Variants in TMEM59L observed in about 807,000 individuals in gnomAD.
TMEM59L encodes the protein transmembrane protein 59-like.
A neutral mutation model predicts 39.6 loss-of-function variants in TMEM59L; 31 were observed. That is an observed-to-expected ratio of 0.78 (90% CI 0.59 to 1.06). TMEM59L has a LOEUF of 1.06. Among genes scored for constraint, TMEM59L ranks in the 50% least tolerant of loss-of-function variants. TMEM59L has a pLI of 0.00. For synonymous variants in TMEM59L, 219 were observed against 202.9 expected (o/e 1.08, Z -0.68); for missense variants, 441 against 451.3 (o/e 0.98, Z 0.21).
In TMEM59L at chr19:18,618,392, G is replaced by C. The variant is rs757061987; in HGVS notation, c.800G>C (p.Arg267Pro). The C allele has an allele frequency of 6.2e-7, 1 of 1,605,358 alleles. No homozygotes were observed. The highest frequency in any genetic ancestry group is 2.2e-5 in the East Asian group (1 of 44,678). Residue 267 changes from arginine to proline, a missense_variant, in exon 7 of 8, where the codon CGC becomes CCC. Transcript: ENST00000262817. ...CGGGGCAGGCGCTCGGGTCTGCCTC[G>C]CTGGATCCTGGCCTGCTGCCTCTTC... ...SCMSRRSGLP[R>P]WILACCLFLS...
intron 3 of TMEM59L, 140 bp downstream of exon 3, chr19:18,614,335 C>A (rs1293772978): frequency 1.1e-5 from 10 of 907,356 alleles, no homozygotes; most frequent in Non-Finnish European, 1.5e-5. Context: ...CTCCATCCAG[C>A]CCCGTCATGT....
chr19:18,618,775 AC>A (rs1332920937), intron 7 of TMEM59L, among the ~76,000 whole-genome samples: 1 of 149,974 alleles, frequency 6.7e-6, no homozygotes, highest in African/African-American at 2.5e-5. Context: ...GCTCACTGCA[AC>A]CTCCACCTCC....
At chr19:18,615,076 G>T (rs143668942) in intron 3 of TMEM59L, among the ~76,000 whole-genome samples, 2 of 152,076 alleles carry the variant, frequency 1.3e-5, no homozygotes, top group East Asian at 3.9e-4. Context: ...TCCGCCTCCC[G>T]GGTTCAAGTG....
chr19:18,618,543 A>T (rs374713218), intron 7 of TMEM59L, 51 bp downstream of exon 7: 1 of 1,549,302 alleles, frequency 6.5e-7, no homozygotes, highest in Non-Finnish European at 8.8e-7. Context: ...GTGAAGGCAG[A>T]GAGAGCTGTT....
In TMEM59L at chr19:18,618,433, A is replaced by T; in HGVS notation, c.841A>T (p.Met281Leu). 6.2e-7 allele frequency: 1 copy of T among 1,608,260 alleles called. No individual in the cohort carries two copies. Among genetic ancestry groups the T allele is most frequent in the Non-Finnish European group, 8.5e-7 (1 of 1,179,222 alleles). The change falls in exon 7 of 8, where the codon ATG (methionine) becomes TTG (leucine). Residue 281 changes from methionine (M) to leucine (L), a missense_variant. By Grantham distance (15) the Met-to-Leu change is conservative (BLOSUM62 2). Transcript: ENST00000262817. ...CTGCCTCTTCCTCTCCGTGCTGGTG[A>T]TGCTGTGGCTGAGCTGCTCCACCCT... ...ACCLFLSVLVMLWLSCSTLVT... is the reference protein window; with the variant it reads ...ACCLFLSVLVLLWLSCSTLVT...
chr19:18,618,761 C>T (rs1976462328), intron 7 of TMEM59L, among the ~76,000 whole-genome samples: 1 of 149,862 alleles, frequency 6.7e-6, no homozygotes, highest in South Asian at 2.1e-4. Context: ...ATGGCACCAT[C>T]TCGGCTCACT....
At position 18,614,207 on chromosome 19, in the gene TMEM59L, A is replaced by G. The variant is rs1258904453; in HGVS notation, c.408+12A>G. The G allele has an allele frequency of 1.3e-6, 2 of 1,580,484 alleles. No homozygotes were observed. The highest frequency in any genetic ancestry group is 1.3e-5 in the African/African-American group (1 of 74,514). On this transcript the variant is annotated intron_variant, in intron 3 of 7. Coordinates refer to ENST00000262817, the MANE Select transcript of TMEM59L (RefSeq NM_012109.3). ...AGCCGGAGCAGAAGGTGGGCCTCCCACTGCGGCCTGGGGTCCCTTTTCCCA... is the reference window on the plus strand; with the variant it reads ...AGCCGGAGCAGAAGGTGGGCCTCCCGCTGCGGCCTGGGGTCCCTTTTCCCA...
chr19:18,619,634 C>T (rs866070455), intron 7 of TMEM59L, among the ~76,000 whole-genome samples: 1 of 151,710 alleles, frequency 6.6e-6, no homozygotes, highest in South Asian at 2.1e-4. Flanking sequence ...GAAACCCCAT[C>T]TCTACTAAAA....
Position 18,616,112 on chromosome 19 carries a change from A to C in TMEM59L, c.546A>C (p.Lys182Asn). 6.2e-7 allele frequency: 1 copy of C among 1,613,970 alleles called. No individual in the cohort carries two copies. The highest frequency in any genetic ancestry group is 8.5e-7 in the Non-Finnish European group (1 of 1,179,926). ...WTYYLQTDNGKVVVFQTQPIV... is the reference protein window; with the variant it reads ...WTYYLQTDNGNVVVFQTQPIV... ...ACTACTTGCAGACTGACAATGGGAA[A>C]GTGGTGGTGTTTCAGGTGAGACCTC... Residue 182 changes from lysine (K) to asparagine (N), a missense_variant, in exon 4 of 8, where the codon AAA becomes AAC. Lys to Asn is a moderately conservative substitution (Grantham distance 94). Transcript: ENST00000262817.
chr19:18,616,519 A>T (rs993978738), intron 4 of TMEM59L, among the ~76,000 whole-genome samples: 1 of 152,004 alleles, frequency 6.6e-6, no homozygotes, highest in Non-Finnish European at 1.5e-5. Context: ...CAGCCTCCTG[A>T]GTAGCTGGGA....
rs776180657 is a variant in TMEM59L at position 18,618,144 on chromosome 19, T to G, written c.665-11T>G. ...GACCTGGTGGTCGCTGAGTGGCAGC[T>G]GATCTCTCAGACCCTGTAGGCCCCC... On this transcript the variant is annotated splice_polypyrimidine_tract_variant and intron_variant, in intron 5 of 7. Coordinates refer to ENST00000262817, the MANE Select transcript of TMEM59L (RefSeq NM_012109.3). 6.2e-7 allele frequency: 1 copy of G among 1,608,682 alleles called. No homozygotes were observed. Among genetic ancestry groups the G allele is most frequent in the Non-Finnish European group, 8.5e-7 (1 of 1,175,372 alleles).
Position 18,613,111 on chromosome 19 carries a change from C to T in TMEM59L, c.153C>T (p.Leu51=), listed in dbSNP as rs1011945767. 7.7e-7 allele frequency: 1 copy of T among 1,303,846 alleles called. No individual in the cohort carries two copies. The highest frequency in any genetic ancestry group is 9.7e-7 in the Non-Finnish European group (1 of 1,030,286). The allele number at this position is 1,303,846 out of a possible 1,614,324, so 80.8% of individuals were successfully genotyped here. The change falls in exon 1 of 8, where the codon CTC becomes CTT. Residue 51 remains leucine, a synonymous_variant. Coordinates refer to ENST00000262817, the MANE Select transcript of TMEM59L (RefSeq NM_012109.3). ...NCQLRCRDRD[L]GPQPSQAGLE... Reference sequence around the variant, plus strand: ...AGCTGCGGTGCCGCGACCGCGACCTCGGCCCGCAGCCCTCGCAGGTGAGGC... The same window carrying T: ...AGCTGCGGTGCCGCGACCGCGACCTTGGCCCGCAGCCCTCGCAGGTGAGGC...
At chr19:18,620,292 ACT>A in intron 7 of TMEM59L, 114 bp from the exon 8 acceptor site, 1 of 1,014,384 alleles carries the variant, frequency 9.9e-7, no homozygotes, top group Non-Finnish European at 1.4e-6. Context: ...ACAGAGAGAG[ACT>A]CTCTCAAAAA....
At chr19:18,618,546 G>T in intron 7 of TMEM59L, 54 bp downstream of exon 7, 2 of 1,543,868 alleles carry the variant, frequency 1.3e-6, no homozygotes, top group Non-Finnish European at 8.8e-7. Context: ...AAGGCAGAGA[G>T]AGCTGTTTGC....
At position 18,612,954 on chromosome 19, in the gene TMEM59L, C is replaced by T. The variant is rs367939047; in HGVS notation, c.-5C>T. The T allele has an allele frequency of 3.7e-5, 48 of 1,303,678 alleles. 1 individual carries two copies. In the African/African-American group the frequency reaches 4.3e-4, roughly 12 times the overall value. 80.8% of individuals were successfully genotyped at this position (1,303,678 alleles called of 1,614,324 possible). A position where few individuals can be genotyped will look rare whatever the true frequency, so the allele number is the denominator to read the frequency against. Reference sequence around the variant, plus strand: ...TCCCCCGCGCCCCCCGCGTTCCGCCCGGCCATGGCTGCGGTGGCGCTGATG... The same window carrying T: ...TCCCCCGCGCCCCCCGCGTTCCGCCTGGCCATGGCTGCGGTGGCGCTGATG... On this transcript the variant is annotated 5_prime_UTR_variant, in exon 1 of 8. Coordinates refer to ENST00000262817, the MANE Select transcript of TMEM59L (RefSeq NM_012109.3). The surrounding 1 kb of genome is among the most constrained non-coding windows in gnomAD (Gnocchi z 6.2).
rs760746314 is a variant in TMEM59L, at chr19:18,614,097, C to T, written c.317-7C>T. 1 of 1,612,374 alleles carries T rather than the reference C, an allele frequency of 6.2e-7. No homozygotes were observed. Among genetic ancestry groups the T allele is most frequent in the African/African-American group, 1.3e-5 (1 of 75,064 alleles). On this transcript the variant is annotated splice_region_variant and splice_polypyrimidine_tract_variant and intron_variant, in intron 2 of 7. Transcript: ENST00000262817. ...CGTCCCCAGTCACCCGCTCCCACCT[C>T]CCACAGCCTGCGTGGAAGCCTATGT...
Position 18,620,788 on chromosome 19 carries a change from T to G in TMEM59L, c.*252T>G, listed in dbSNP as rs938747650. The stretch of plus-strand genomic sequence containing the variant: ...TGGGGGCTTGCTACTTTTTGTCTTC[T>G]ATTGTGTGGCTTTCTGAGTATTTGA... On this transcript the variant is annotated 3_prime_UTR_variant, in exon 8 of 8. Transcript: ENST00000262817. 1.0e-5 allele frequency: 4 copies of G among 391,248 alleles called. No homozygotes were observed. The highest frequency in any genetic ancestry group is 1.8e-5 in the Non-Finnish European group (4 of 217,908). 24.2% of individuals were successfully genotyped at this position (391,248 alleles called of 1,614,324 possible). A position where few individuals can be genotyped will look rare whatever the true frequency, so the allele number is the denominator to read the frequency against.
chr19:18,618,763 C>T (rs534087901), intron 7 of TMEM59L, among the ~76,000 whole-genome samples: 6 of 149,838 alleles, frequency 4.0e-5, no homozygotes, highest in East Asian at 3.9e-4. Context: ...GGCACCATCT[C>T]GGCTCACTGC....
rs545625456 is a variant in TMEM59L, at chr19:18,616,330, C to A, written c.561+203C>A. 1.6e-4 allele frequency among the ~76,000 whole-genome samples: 24 copies of A among 152,276 alleles called. 1 individual carries two copies. On this transcript the variant is annotated intron_variant, in intron 4 of 7. Coordinates refer to ENST00000262817, the MANE Select transcript of TMEM59L (RefSeq NM_012109.3). ...TGGCTTCATTCCCAGGCATTTACTT[C>A]TTCTTGGCAGTAAGGTGGATGCCAG...
Sources: allele counts gnomAD v4.1 joint callset (sites outside exome capture counted in the v4.1 genomes callset), GRCh38; gene constraint gnomAD v4.1.1; non-coding constraint Gnocchi (gnomAD v3.1); transcripts MANE v1.5; gene names NCBI Gene and HGNC (gene_info 2026-07-23, HGNC 2026-07-21).